Variants in NKAIN2 observed in about 807,000 individuals in gnomAD.
NKAIN2 encodes sodium/potassium transporting ATPase interacting 2.
In NKAIN2, 14 loss-of-function variants were observed where a neutral mutation model predicts 32.6. That is an observed-to-expected ratio of 0.43 (90% CI 0.28 to 0.67). The LOEUF (loss-of-function observed/expected upper bound fraction) is 0.67. Among genes scored for constraint, NKAIN2 ranks in the 30% least tolerant of loss-of-function variants. The pLI is 0.17. For missense variants in NKAIN2, 198 were observed against 258.3 expected (o/e 0.77, Z 1.60); for synonymous variants, 80 against 87.2 (o/e 0.92, Z 0.46).
At chr6:123,878,094 T>G (rs1773253544) in intron 1 of NKAIN2, among the ~76,000 whole-genome samples, 1 of 151,964 alleles carries the variant, frequency 6.6e-6, no homozygotes, top group East Asian at 1.9e-4. Flanking sequence ...GGCTTGGTGG[T>G]GCATGCCTGT....
At chr6:124,046,899 G>C (rs1582529252) in intron 1 of NKAIN2, among the ~76,000 whole-genome samples, 1 of 151,954 alleles carries the variant, frequency 6.6e-6, no homozygotes, top group African/African-American at 2.4e-5. Flanking sequence ...CTAAATCCAG[G>C]AAAGTATATT....
At chr6:124,704,739 G>A (rs1379891193) in intron 4 of NKAIN2, among the ~76,000 whole-genome samples, 1 of 151,840 alleles carries the variant, frequency 6.6e-6, no homozygotes, top group African/African-American at 2.4e-5. Context: ...CCTTAATTCT[G>A]AGAGACTTTC....
intron 4 of NKAIN2, among the ~76,000 whole-genome samples, chr6:124,776,391 G>A (rs1778985944): frequency 6.6e-6 from 1 of 152,054 alleles, no homozygotes; most frequent in South Asian, 2.1e-4. Flanking sequence ...GTAGGAAGTG[G>A]ATCACTTCAC....
intron 3 of NKAIN2, among the ~76,000 whole-genome samples, chr6:124,534,896 C>T (rs938005751): frequency 6.6e-6 from 1 of 151,992 alleles, no homozygotes; most frequent in Non-Finnish European, 1.5e-5. Flanking sequence ...GTTCCAGGAC[C>T]CTCATAAATA....
chr6:124,429,084 C>T (rs1165212582), intron 3 of NKAIN2, among the ~76,000 whole-genome samples: 1 of 152,136 alleles, frequency 6.6e-6, no homozygotes, highest in African/African-American at 2.4e-5. Flanking sequence ...GTTACCCAGG[C>T]TGGAGTGCAA....
intron 3 of NKAIN2, among the ~76,000 whole-genome samples, chr6:124,422,248 A>G (rs1305584368): frequency 6.6e-6 from 1 of 152,134 alleles, no homozygotes; most frequent in Non-Finnish European, 1.5e-5. Flanking sequence ...AGACATACTG[A>G]TAATTGCCTT....
At chr6:124,176,080 A>G (rs1789140879) in intron 1 of NKAIN2, among the ~76,000 whole-genome samples, 1 of 152,190 alleles carries the variant, frequency 6.6e-6, no homozygotes, top group Non-Finnish European at 1.5e-5. Context: ...TGAGTCACAC[A>G]AATCTTTTGG....
intron 3 of NKAIN2, among the ~76,000 whole-genome samples, chr6:124,508,095 G>A (rs1377207227): frequency 2.1e-3 from 289 of 137,566 alleles, no homozygotes; most frequent in Middle Eastern, 7.6e-3. Context: ...TGTACCAAAA[G>A]AAAAAAAAAA....
At chr6:124,605,171 T>A (rs894688002) in intron 3 of NKAIN2, among the ~76,000 whole-genome samples, 4 of 152,048 alleles carry the variant, frequency 2.6e-5, no homozygotes, top group African/African-American at 9.7e-5. Context: ...TTAAAGAAAA[T>A]GTTTTGTAGA....
chr6:124,636,042 C>A (rs1783761063), intron 3 of NKAIN2, among the ~76,000 whole-genome samples: 1 of 151,882 alleles, frequency 6.6e-6, no homozygotes. Flanking sequence ...TATGTTGGGC[C>A]ACGAAACAAG....
At chr6:124,678,266 G>A (rs1426066804) in intron 4 of NKAIN2, among the ~76,000 whole-genome samples, 2 of 152,114 alleles carry the variant, frequency 1.3e-5, no homozygotes, top group East Asian at 3.9e-4. Context: ...GATTTAGGGA[G>A]TTTGGGGGCA....
chr6:124,636,533 G>A (rs752342702), intron 3 of NKAIN2, among the ~76,000 whole-genome samples: 16 of 151,712 alleles, frequency 1.1e-4, no homozygotes, highest in Non-Finnish European at 1.8e-4. Context: ...TAAGAGAAAA[G>A]GGGAGAAGAC....
At chr6:124,343,694 T>C (rs1165489404) in intron 2 of NKAIN2, among the ~76,000 whole-genome samples, 5 of 149,616 alleles carry the variant, frequency 3.3e-5, no homozygotes. Context: ...TTTTTTCTTG[T>C]AAATTTGTTT....
At chr6:124,014,461 A>G (rs1330839601) in intron 1 of NKAIN2, among the ~76,000 whole-genome samples, 2 of 152,078 alleles carry the variant, frequency 1.3e-5, no homozygotes, top group African/African-American at 4.8e-5. Context: ...ATATGTTTAT[A>G]CAAATGTCCT....
intron 4 of NKAIN2, among the ~76,000 whole-genome samples, chr6:124,763,057 G>A (rs1407320586): frequency 6.6e-6 from 1 of 152,174 alleles, no homozygotes. Flanking sequence ...GGCACAGAAA[G>A]TCAAACACCA....
chr6:124,500,049 G>A (rs1778224480), intron 3 of NKAIN2, among the ~76,000 whole-genome samples: 1 of 152,170 alleles, frequency 6.6e-6, no homozygotes, highest in Admixed American at 6.6e-5. Context: ...TTTAAAGGGT[G>A]ATGGAGATTT....
chr6:124,020,446 G>C (rs1197952274), intron 1 of NKAIN2, among the ~76,000 whole-genome samples: 1 of 152,034 alleles, frequency 6.6e-6, no homozygotes, highest in African/African-American at 2.4e-5. Flanking sequence ...TTCTGTGTTT[G>C]TACCTTCAGC....
chr6:124,714,335 A>G (rs140473485), intron 4 of NKAIN2, among the ~76,000 whole-genome samples: 113 of 152,356 alleles, frequency 7.4e-4, no homozygotes, highest in African/African-American at 2.6e-3. Flanking sequence ...GCAGGAATAT[A>G]TTAAATGATT....
intron 3 of NKAIN2, among the ~76,000 whole-genome samples, chr6:124,549,661 C>G (rs1001048851): frequency 2.0e-5 from 3 of 152,218 alleles, no homozygotes; most frequent in African/African-American, 7.2e-5. Flanking sequence ...GAATCTGAGA[C>G]AGGTTTTCAG....
Sources: allele counts gnomAD v4.1 joint callset (sites outside exome capture counted in the v4.1 genomes callset), GRCh38; gene constraint gnomAD v4.1.1; transcripts MANE v1.5; gene names NCBI Gene and HGNC (gene_info 2026-07-23, HGNC 2026-07-21).